PDE4B: variants seen among roughly 807,000 people sequenced by gnomAD.
PDE4B encodes phosphodiesterase 4B, also known as 3',5'-cyclic-AMP phosphodiesterase 4B.
PDE4B carries 20 observed loss-of-function variants against 82.2 expected under a neutral mutation model. That is an observed-to-expected ratio of 0.24 (90% CI 0.17 to 0.35). PDE4B has a LOEUF of 0.35. Ranked by LOEUF, PDE4B falls within the 10% of genes least tolerant of loss-of-function variation. The pLI, the probability that PDE4B is intolerant of heterozygous loss-of-function variation, is 1.00. For missense variants in PDE4B, 655 were observed against 907.2 expected (o/e 0.72, Z 3.57); for synonymous variants, 320 against 318.9 (o/e 1.00, Z -0.04).
intron 3 of PDE4B, among the ~76,000 whole-genome samples, chr1:66,004,737 G>C (rs954701822): frequency 6.6e-6 from 1 of 152,008 alleles, no homozygotes; most frequent in African/African-American, 2.4e-5. Flanking sequence ...ATATCAGAAA[G>C]TTTATTCATG....
At chr1:66,203,708 T>C (rs1195787023) in intron 3 of PDE4B, among the ~76,000 whole-genome samples, 1 of 152,146 alleles carries the variant, frequency 6.6e-6, no homozygotes, top group Non-Finnish European at 1.5e-5. Flanking sequence ...TCAGCTCCTT[T>C]AAGCACTTCT....
intron 2 of PDE4B, among the ~76,000 whole-genome samples, chr1:65,916,743 TAGAC>T (rs1429505019): frequency 2.6e-5 from 4 of 151,892 alleles, no homozygotes; most frequent in South Asian, 2.1e-4. Flanking sequence ...TTTACACACA[TAGAC>T]ACACACACAC....
At chr1:66,180,292 A>G (rs1647033114) in intron 3 of PDE4B, among the ~76,000 whole-genome samples, 1 of 152,222 alleles carries the variant, frequency 6.6e-6, no homozygotes, top group Non-Finnish European at 1.5e-5. Flanking sequence ...GAGGAAATGG[A>G]AAGATTATGA....
At chr1:66,047,859 C>A (rs1467311348) in intron 3 of PDE4B, among the ~76,000 whole-genome samples, 1 of 151,942 alleles carries the variant, frequency 6.6e-6, no homozygotes, top group Non-Finnish European at 1.5e-5. Flanking sequence ...GCTGTCCTGT[C>A]CTGACAAGGG....
chr1:65,919,445 T>C (rs1303972306), intron 3 of PDE4B, among the ~76,000 whole-genome samples: 8 of 152,348 alleles, frequency 5.3e-5, no homozygotes, highest in African/African-American at 1.9e-4. Context: ...TATTGTGCCA[T>C]GACTGCTTCA....
intron 3 of PDE4B, among the ~76,000 whole-genome samples, chr1:66,003,393 G>C (rs1651974393): frequency 6.6e-6 from 1 of 151,762 alleles, no homozygotes; most frequent in African/African-American, 2.4e-5. Context: ...GAAAGAGATA[G>C]GAAGAGAACC....
intron 3 of PDE4B, among the ~76,000 whole-genome samples, chr1:66,014,191 A>G (rs1652644644): frequency 6.6e-6 from 1 of 152,158 alleles, no homozygotes; most frequent in Non-Finnish European, 1.5e-5. Context: ...TCTAGGTATT[A>G]GCCCATTGTC....
intron 8 of PDE4B, among the ~76,000 whole-genome samples, chr1:66,333,207 G>C (rs1660256706): frequency 6.6e-6 from 1 of 152,122 alleles, no homozygotes; most frequent in African/African-American, 2.4e-5. Flanking sequence ...CTTTAAGTTT[G>C]CTGATTTTCA....
chr1:66,205,041 A>G (rs1478881107), intron 3 of PDE4B, among the ~76,000 whole-genome samples: 3 of 152,218 alleles, frequency 2.0e-5, no homozygotes, highest in Non-Finnish European at 4.4e-5. Flanking sequence ...TTTCCAACCC[A>G]TGTGACTGAA....
At chr1:66,371,747 G>A (rs1021449768) in intron 16 of PDE4B, among the ~76,000 whole-genome samples, 5 of 152,138 alleles carry the variant, frequency 3.3e-5, no homozygotes, top group African/African-American at 1.2e-4. Flanking sequence ...GAGTAGTCAG[G>A]AGCCAGCTCC....
chr1:65,925,245 A>G (rs1212184452), intron 3 of PDE4B, among the ~76,000 whole-genome samples: 1 of 152,168 alleles, frequency 6.6e-6, no homozygotes, highest in African/African-American at 2.4e-5. Context: ...TACCTAGGTG[A>G]TGGGTTGATA....
chr1:66,130,415 C>T (rs545010279), intron 3 of PDE4B, among the ~76,000 whole-genome samples: 1 of 152,208 alleles, frequency 6.6e-6, no homozygotes, highest in East Asian at 1.9e-4. Flanking sequence ...AAATGCTGTC[C>T]ACATACATGA....
chr1:66,023,640 A>G (rs1054508022), intron 3 of PDE4B, among the ~76,000 whole-genome samples: 4 of 152,292 alleles, frequency 2.6e-5, no homozygotes, highest in East Asian at 1.9e-4. Flanking sequence ...ATTGATTTCA[A>G]TTGAAGAAAA....
At chr1:66,057,864 C>G (rs1655384478) in intron 3 of PDE4B, among the ~76,000 whole-genome samples, 1 of 152,142 alleles carries the variant, frequency 6.6e-6, no homozygotes, top group Non-Finnish European at 1.5e-5. Flanking sequence ...CATTCTGCCC[C>G]TGGCCCTTCC....
At chr1:65,870,494 G>C (rs1476506752) in intron 1 of PDE4B, among the ~76,000 whole-genome samples, 3 of 151,978 alleles carry the variant, frequency 2.0e-5, no homozygotes, top group Non-Finnish European at 2.9e-5. Context: ...AAATTATTGA[G>C]GTTTTTTTGA....
intron 3 of PDE4B, among the ~76,000 whole-genome samples, chr1:65,970,577 C>T (rs17418207): frequency 0.062 from 9,445 of 152,010 alleles, 347 homozygotes; most frequent in Middle Eastern, 0.18. Flanking sequence ...AGTTCACACT[C>T]AACTGGGGGA....
At chr1:65,838,473 CTATATATATACGTATATG>C (rs1426554341) in intron 1 of PDE4B, among the ~76,000 whole-genome samples, 12 of 146,814 alleles carry the variant, frequency 8.2e-5, no homozygotes, top group East Asian at 3.9e-4. Context: ...TAGATTGTCA[CTATATATATACGTATATG>C]TATATATATA....
At chr1:66,060,829 G>C (rs1415342660) in intron 3 of PDE4B, among the ~76,000 whole-genome samples, 1 of 151,904 alleles carries the variant, frequency 6.6e-6, no homozygotes, top group Non-Finnish European at 1.5e-5. Context: ...TGAAGTGTGA[G>C]GTCAGTGTCT....
At chr1:65,885,687 A>G (rs2100360302) in intron 1 of PDE4B, among the ~76,000 whole-genome samples, 1 of 151,996 alleles carries the variant, frequency 6.6e-6, no homozygotes, top group South Asian at 2.1e-4. Context: ...CAGGGCGGGG[A>G]ACATCACACA....
Sources: gnomAD v4.1 joint callset for allele counts (sites outside exome capture counted in the v4.1 genomes callset) on GRCh38, gnomAD v4.1.1 for gene constraint, MANE v1.5 for transcripts, NCBI Gene and HGNC (gene_info 2026-07-23, HGNC 2026-07-21) for gene names.